Variants in ETAA1 observed in about 807,000 individuals in gnomAD.
The protein encoded by ETAA1 is ETAA1 activator of ATR kinase, also known as ewing's tumor-associated antigen 1.
ETAA1 carries 49 observed loss-of-function variants against 76.8 expected under a neutral mutation model. The ratio of observed to expected loss-of-function variants is 0.64; its 90% CI spans 0.51 to 0.81. The LOEUF is 0.81. Among genes scored for constraint, ETAA1 ranks in the 30% least tolerant of loss-of-function variants. The probability of loss-of-function intolerance (pLI) is 0.00; values close to 1 mark genes in which losing one functional copy is unlikely to be tolerated. For missense variants in ETAA1, 1,099 were observed against 1,074.0 expected (o/e 1.02, Z -0.32); for synonymous variants, 373 against 372.2 (o/e 1.00, Z -0.03).
Position 67,400,152 on chromosome 2 carries a change from C to G in ETAA1, c.429+526C>G, listed in dbSNP as rs768908786. ...TGACCCAGTGCAAGTTATTTAAACT[C>G]CCACCACTTCAGTTCATTCAGCCAT... On this transcript the variant is annotated intron_variant, in intron 3 of 5. Transcript: ENST00000272342. Among the ~76,000 whole-genome samples, 5 of 152,270 alleles carry G rather than the reference C, an allele frequency of 3.3e-5. No homozygotes were observed. In the South Asian group the frequency reaches 8.3e-4, roughly 25 times the overall value.
At position 67,399,180 on chromosome 2, in the gene ETAA1, A is replaced by G; in HGVS notation, c.235A>G (p.Thr79Ala). 2 of 1,611,854 alleles carry G rather than the reference A, an allele frequency of 1.2e-6. No homozygotes were observed. Among genetic ancestry groups the G allele is most frequent in the Non-Finnish European group, 1.7e-6 (2 of 1,179,146 alleles). The change falls in exon 2 of 6, where the codon ACA becomes GCA. Residue 79 changes from threonine to alanine, a missense_variant. By Grantham distance (58) the Thr-to-Ala change is moderately conservative. This residue lies in a region of ETAA1 where 761 missense variants were observed against 731.9 expected (regional missense o/e 1.04). Coordinates refer to ENST00000272342, the MANE Select transcript of ETAA1 (RefSeq NM_019002.4). Reference sequence around the variant, plus strand: ...CATATTTTATATAGAAAGGTATGAAACACCAAAGAGAGCGCTGAAAATGGA... The same window carrying G: ...CATATTTTATATAGAAAGGTATGAAGCACCAAAGAGAGCGCTGAAAATGGA... ...SKSNPEERYETPKRALKMDSL... is the reference protein window; with the variant it reads ...SKSNPEERYEAPKRALKMDSL...
Position 67,403,780 on chromosome 2 carries a change from T to C in ETAA1, c.1098T>C (p.Thr366=), listed in dbSNP as rs1273038977. The part of the protein sequence containing the change: ...CVTSCTKEPE[T]SNKYIDAFTT... ...CTTCCTGTACTAAGGAGCCAGAAACTTCTAATAAGTACATTGATGCATTTA... is the reference window on the plus strand; with the variant it reads ...CTTCCTGTACTAAGGAGCCAGAAACCTCTAATAAGTACATTGATGCATTTA... The change falls in exon 5 of 6, where the codon ACT becomes ACC. Residue 366 remains threonine, a synonymous_variant. Coordinates refer to ENST00000272342, the MANE Select transcript of ETAA1 (RefSeq NM_019002.4). 2.5e-6 allele frequency: 4 copies of C among 1,613,338 alleles called. No homozygotes were observed. In the Admixed American group the frequency reaches 5.0e-5, roughly 20 times the overall value.
rs569297508 is a variant in ETAA1, at chr2:67,404,697, C to G, written c.2015C>G (p.Ser672Cys). 5.6e-6 allele frequency: 9 copies of G among 1,613,248 alleles called. 1 individual carries two copies. Among genetic ancestry groups the G allele is most frequent in the Middle Eastern group, 1.7e-4 (1 of 6,054 alleles). ...SESICEINNNSEHGAKNMFAI... is the reference protein window; with the variant it reads ...SESICEINNNCEHGAKNMFAI... The stretch of plus-strand genomic sequence containing the variant: ...AGTATATGTGAGATCAATAATAATT[C>G]CGAACATGGAGCCAAAAACATGTTT... The change falls in exon 5 of 6, where the codon TCC (serine) becomes TGC (cysteine). Residue 672 changes from serine to cysteine, a missense_variant. This residue lies in a region of ETAA1 where 36 missense variants were observed against 64.0 expected (regional missense o/e 0.56). Transcript: ENST00000272342.
intron 3 of ETAA1, chr2:67,401,214 C>T (rs1276628782): frequency 1.3e-5 from 2 of 152,038 alleles, no homozygotes; most frequent in African/African-American, 4.8e-5. Context: ...ATGTTACCCT[C>T]TTAAACTGAG....
chr2:67,398,943 C>T (rs1675976504), intron 1 of ETAA1, among the ~76,000 whole-genome samples: 1 of 152,154 alleles, frequency 6.6e-6, no homozygotes, highest in African/African-American at 2.4e-5. Context: ...CATAAAGCTT[C>T]TGGATTATCT....
rs190538127 is a variant in ETAA1, at chr2:67,410,659, G to T, written c.*621G>T. On this transcript the variant is annotated 3_prime_UTR_variant, in exon 6 of 6. Coordinates refer to ENST00000272342, the MANE Select transcript of ETAA1 (RefSeq NM_019002.4). Reference sequence around the variant, plus strand: ...TTTGATTTTAGAAGTCTAACATAGAGGAAAAGAAGTAGTGGATTGTCTACA... The same window carrying T: ...TTTGATTTTAGAAGTCTAACATAGATGAAAAGAAGTAGTGGATTGTCTACA... 1.4e-4 allele frequency: 22 copies of T among 152,064 alleles called. No homozygotes were observed. The highest frequency in any genetic ancestry group is 5.3e-4 in the African/African-American group (22 of 41,518). 9.4% of individuals were successfully genotyped at this position (152,064 alleles called of 1,614,324 possible).
At chr2:67,407,685 C>T (rs1364930451) in intron 5 of ETAA1, among the ~76,000 whole-genome samples, 1 of 151,896 alleles carries the variant, frequency 6.6e-6, no homozygotes, top group Non-Finnish European at 1.5e-5. Flanking sequence ...TTTGTATGCT[C>T]TTATATGTAT....
chr2:67,398,045 A>C (rs1255683806), intron 1 of ETAA1, among the ~76,000 whole-genome samples: 1 of 151,956 alleles, frequency 6.6e-6, no homozygotes, highest in African/African-American at 2.4e-5. Context: ...TTCTCTTTAA[A>C]CCCTTTTTTT....
chr2:67,406,003 C>T (rs1558582438), intron 5 of ETAA1, among the ~76,000 whole-genome samples: 1 of 152,014 alleles, frequency 6.6e-6, no homozygotes, highest in Non-Finnish European at 1.5e-5. Flanking sequence ...GTTCTTTTAT[C>T]TATCTCCTTT....
chr2:67,398,469 G>C (rs983384024), intron 1 of ETAA1, among the ~76,000 whole-genome samples: 1 of 151,914 alleles, frequency 6.6e-6, no homozygotes, highest in Non-Finnish European at 1.5e-5. Flanking sequence ...CCAAGTAGCT[G>C]GGACTACAGG....
Position 67,410,119 on chromosome 2 carries a change from T to A in ETAA1, c.*81T>A. On this transcript the variant is annotated 3_prime_UTR_variant, in exon 6 of 6. Transcript: ENST00000272342. ...AGGAAATTTTTTTTCTTGATTTCTC[T>A]GTGAGAAATGTAATGCTGACTTTTA... 17 of 1,282,910 alleles carry A rather than the reference T, an allele frequency of 1.3e-5. No homozygotes were observed. Among genetic ancestry groups the A allele is most frequent in the Non-Finnish European group, 1.9e-5 (17 of 917,806 alleles). 79.5% of individuals were successfully genotyped at this position (1,282,910 alleles called of 1,614,324 possible).
At chr2:67,401,029 T>G (rs1407301044) in intron 3 of ETAA1, 1 of 152,102 alleles carries the variant, frequency 6.6e-6, no homozygotes, top group African/African-American at 2.4e-5. Context: ...AGAAGCATAA[T>G]AAAATGTGTT....
chr2:67,403,889 T>C lies in ETAA1; in HGVS notation c.1207T>C (p.Phe403Leu), dbSNP rs1277413229. 27 of 1,612,990 alleles carry C rather than the reference T, an allele frequency of 1.7e-5. No individual in the cohort carries two copies. Among genetic ancestry groups the C allele is most frequent in the Admixed American group, 6.7e-5 (4 of 59,958 alleles). ...AMQNIDMPEL[F>L]PSKTAHVTDQ... Reference sequence around the variant, plus strand: ...GCAAAATATCGACATGCCTGAACTCTTTCCTTCTAAAACAGCCCATGTTAC... The same window carrying C: ...GCAAAATATCGACATGCCTGAACTCCTTCCTTCTAAAACAGCCCATGTTAC... The change falls in exon 5 of 6, where the codon TTT (phenylalanine) becomes CTT (leucine). Residue 403 changes from phenylalanine (F) to leucine (L), a missense_variant. Transcript: ENST00000272342.
rs1676186788 is a variant in ETAA1 at position 67,405,323 on chromosome 2, C to A, written c.2641C>A (p.Gln881Lys). ...SLVKLSESLK[Q>K]SSKEEEEKNR... The stretch of plus-strand genomic sequence containing the variant: ...GGTGAAACTTTCTGAATCTTTGAAA[C>A]AATCTTCAAAAGGTATGTATGAAAT... The change falls in exon 5 of 6, where the codon CAA (glutamine) becomes AAA (lysine). Residue 881 changes from glutamine to lysine, a missense_variant. By Grantham distance (53) the Gln-to-Lys change is moderately conservative. Around this residue, in one of 3 missense-constraint regions of ETAA1, gnomAD observed 302 missense variants for 278.1 expected, o/e 1.09. Transcript: ENST00000272342. The A allele has an allele frequency of 6.5e-7, 1 of 1,536,806 alleles. No homozygotes were observed. Among genetic ancestry groups the A allele is most frequent in the South Asian group, 1.3e-5 (1 of 77,950 alleles).
At position 67,410,956 on chromosome 2, in the gene ETAA1, A is replaced by C. The variant is rs1197483755; in HGVS notation, c.*918A>C. ...AAAAGCACAATAAGGACTGTTTGAT[A>C]ATAATGCTCATTGTTCCTTATTTTG... On this transcript the variant is annotated 3_prime_UTR_variant, in exon 6 of 6. Coordinates refer to ENST00000272342, the MANE Select transcript of ETAA1 (RefSeq NM_019002.4). 1 of 152,134 alleles carries C rather than the reference A, an allele frequency of 6.6e-6. No homozygotes were observed. Among genetic ancestry groups the C allele is most frequent in the Non-Finnish European group, 1.5e-5 (1 of 67,996 alleles). The allele number at this position is 152,134 out of a possible 1,614,324, so 9.4% of individuals were successfully genotyped here.
Position 67,403,937 on chromosome 2 carries a change from T to A in ETAA1, c.1255T>A (p.Phe419Ile). Residue 419 changes from phenylalanine (F) to isoleucine (I), a missense_variant, in exon 5 of 6, where the codon TTT (phenylalanine) becomes ATT (isoleucine). Around this residue, in one of 3 missense-constraint regions of ETAA1, gnomAD observed 761 missense variants for 731.9 expected, o/e 1.04. Transcript: ENST00000272342. ...HVTDQKEICT[F>I]NSKTVKNTSR... ...TACTGATCAAAAGGAAATTTGTACC[T>A]TTAATAGTAAAACTGTTAAAAATAC... The A allele has an allele frequency of 6.2e-7, 1 of 1,611,108 alleles. No individual in the cohort carries two copies. The highest frequency in any genetic ancestry group is 8.5e-7 in the Non-Finnish European group (1 of 1,178,902).
At position 67,404,599 on chromosome 2, in the gene ETAA1, C is replaced by G; in HGVS notation, c.1917C>G (p.Ile639Met). The G allele has an allele frequency of 6.2e-7, 1 of 1,613,182 alleles. No homozygotes were observed. The highest frequency in any genetic ancestry group is 8.5e-7 in the Non-Finnish European group (1 of 1,179,516). Residue 639 changes from isoleucine to methionine, a missense_variant, in exon 5 of 6, where the codon ATC (isoleucine) becomes ATG (methionine). Ile to Met is a conservative substitution (Grantham distance 10). Around this residue, in one of 3 missense-constraint regions of ETAA1, gnomAD observed 36 missense variants for 64.0 expected, o/e 0.56. Coordinates refer to ENST00000272342, the MANE Select transcript of ETAA1 (RefSeq NM_019002.4). ...DSKTSESICE[I>M]NNNSEHGAKL... is the part of the protein sequence containing the mutation. ...AGACATCAGAAAGTATATGTGAGAT[C>G]AATAATAATTCCGAACATGGAGCCA...
intron 3 of ETAA1, among the ~76,000 whole-genome samples, chr2:67,399,960 A>G (rs1318370546): frequency 6.6e-6 from 1 of 152,218 alleles, no homozygotes; most frequent in African/African-American, 2.4e-5. Flanking sequence ...AAGGCAGTGA[A>G]AAAAGTTTAT....
Position 67,404,219 on chromosome 2 carries a change from AACTC to A in ETAA1, c.1538_1541del (p.Asn513IlefsTer11), listed in dbSNP as rs776391143. 56 of 1,611,920 alleles carry A rather than the reference AACTC, an allele frequency of 3.5e-5. No homozygotes were observed. The highest frequency in any genetic ancestry group is 4.7e-5 in the Non-Finnish European group (55 of 1,179,050). On this transcript the variant is annotated frameshift_variant, in exon 5 of 6. Transcript: ENST00000272342. LOFTEE classifies it high-confidence loss of function. Reference sequence around the variant, plus strand: ...AAAAATAAAGGAAGATATTCTTACTAACTCTACTGAAGCTTCTGAAAGGAAGTCA... The same window carrying A: ...AAAAATAAAGGAAGATATTCTTACTATACTGAAGCTTCTGAAAGGAAGTCA...
Sources: allele counts gnomAD v4.1 joint callset (sites outside exome capture counted in the v4.1 genomes callset), GRCh38; gene constraint gnomAD v4.1.1; regional missense constraint gnomAD v4.1.1; transcripts MANE v1.5; gene names NCBI Gene and HGNC (gene_info 2026-07-23, HGNC 2026-07-21).